MRPS6: variants seen among roughly 807,000 people sequenced by gnomAD.
MRPS6 encodes the protein mitochondrial ribosomal protein S6.
A neutral mutation model predicts 13.1 loss-of-function variants in MRPS6; 6 were observed. The observed-to-expected ratio is 0.46, with a 90% CI of 0.25 to 0.91. MRPS6 has a LOEUF of 0.91. Ranked by LOEUF, MRPS6 falls within the 40% of genes least tolerant of loss-of-function variation. MRPS6 has a pLI of 0.18. For synonymous variants in MRPS6, 61 were observed against 56.5 expected (o/e 1.08, Z -0.36); for missense variants, 164 against 155.6 (o/e 1.05, Z -0.29).
chr21:34,084,283 CT>C (rs902148067), intron 1 of MRPS6, among the ~76,000 whole-genome samples: 1 of 152,100 alleles, frequency 6.6e-6, no homozygotes, highest in African/African-American at 2.4e-5. Flanking sequence ...CAGGAAGGTG[CT>C]TGTGCTTAGG....
intron 1 of MRPS6, among the ~76,000 whole-genome samples, chr21:34,083,918 A>T (rs1602910080): frequency 6.6e-6 from 1 of 152,258 alleles, no homozygotes; most frequent in African/African-American, 2.4e-5. Flanking sequence ...GTCATCTGGC[A>T]TACAAAGAAA....
chr21:34,101,769 T>A, intron 1 of MRPS6: 1 of 995,766 alleles, frequency 1.0e-6, no homozygotes, highest in Middle Eastern at 5.2e-4. Flanking sequence ...TATACTGAAT[T>A]TCTGTTAGCT....
intron 1 of MRPS6, among the ~76,000 whole-genome samples, chr21:34,121,644 A>G (rs1273360307): frequency 1.3e-5 from 2 of 152,160 alleles, no homozygotes; most frequent in African/African-American, 2.4e-5. Flanking sequence ...AGCCTGCACA[A>G]CTTCTCTTAG....
chr21:34,100,690 T>C (rs62212119), intron 1 of MRPS6: 67,805 of 1,000,110 alleles, frequency 0.068, 2,386 homozygotes, highest in Middle Eastern at 0.12. Context: ...TATGCACTTC[T>C]GTAACTTGAG....
At chr21:34,073,815 C>A in intron 1 of MRPS6, 70 bp downstream of exon 1, 2 of 1,234,526 alleles carry the variant, frequency 1.6e-6, no homozygotes, top group East Asian at 4.0e-5. Flanking sequence ...CGCCGTCCCC[C>A]GCGCGCCCTG....
Position 34,142,587 on chromosome 21 carries a change from A to C in MRPS6, c.365A>C (p.Lys122Thr), listed in dbSNP as rs750094417. Residue 122 changes from lysine to threonine, a missense_variant, in exon 3 of 3, where the codon AAG becomes ACG. Lys to Thr is a moderately conservative substitution (Grantham distance 78). Transcript: ENST00000399312. ...PLAEKLYSTK[K>T]RKK ...GCAGAAAAATTATATTCCACAAAGA[A>C]GAGGAAGAAGTGAGAAGATTCGCCA... The C allele has an allele frequency of 6.2e-7, 1 of 1,602,488 alleles. No homozygotes were observed. The highest frequency in any genetic ancestry group is 8.5e-7 in the Non-Finnish European group (1 of 1,176,242).
chr21:34,104,987 GT>G (rs1979411648), intron 1 of MRPS6: 3 of 999,054 alleles, frequency 3.0e-6, no homozygotes, highest in Non-Finnish European at 2.4e-6. Context: ...TATAATTAGA[GT>G]TTTCTAATTT....
chr21:34,092,816 C>G (rs1420386150), intron 1 of MRPS6, among the ~76,000 whole-genome samples: 3 of 152,156 alleles, frequency 2.0e-5, no homozygotes, highest in African/African-American at 7.2e-5. Flanking sequence ...TTTTCTCTCC[C>G]TTCTTTGGAA....
chr21:34,101,899 A>G lies in MRPS6; in HGVS notation c.46-23442A>G, dbSNP rs1451085759. 5 of 1,000,102 alleles carry G rather than the reference A, an allele frequency of 5.0e-6. No individual in the cohort carries two copies. The African/African-American group carries it at 8.7e-5, about 17-fold the overall frequency. 62.0% of individuals were successfully genotyped at this position (1,000,102 alleles called of 1,614,324 possible). On this transcript the variant is annotated intron_variant, in intron 1 of 2. Coordinates refer to ENST00000399312, the MANE Select transcript of MRPS6 (RefSeq NM_032476.4). Reference sequence around the variant, plus strand: ...AGGGAGAGAGCAGTAGTGATCATTTATGTGAGCCCCTTTGAAATGATGGTG... The same window carrying G: ...AGGGAGAGAGCAGTAGTGATCATTTGTGTGAGCCCCTTTGAAATGATGGTG...
At chr21:34,123,608 C>G (rs1042092439) in intron 1 of MRPS6, 4 of 151,914 alleles carry the variant, frequency 2.6e-5, no homozygotes, top group African/African-American at 9.7e-5. Context: ...TAGTAGTTAT[C>G]CAGTAAATCA....
chr21:34,103,985 A>G (rs996552187), intron 1 of MRPS6: 1 of 999,986 alleles, frequency 1.0e-6, no homozygotes, highest in Non-Finnish European at 1.2e-6. Flanking sequence ...TTTTTGTAAA[A>G]AATCTTAAAT....
intron 2 of MRPS6, among the ~76,000 whole-genome samples, chr21:34,137,855 T>C (rs900564165): frequency 1.3e-5 from 2 of 152,160 alleles, no homozygotes; most frequent in Non-Finnish European, 2.9e-5. Flanking sequence ...GAAATGATCA[T>C]ATGGTGTTTC....
chr21:34,124,748 C>A (rs1014674889), intron 1 of MRPS6: 2 of 152,100 alleles, frequency 1.3e-5, no homozygotes, highest in Non-Finnish European at 2.9e-5. Flanking sequence ...ATGCTATTTC[C>A]TGTATTCTGC....
chr21:34,139,002 C>T (rs1980807035), intron 2 of MRPS6, among the ~76,000 whole-genome samples: 1 of 150,946 alleles, frequency 6.6e-6, no homozygotes, highest in African/African-American at 2.5e-5. Flanking sequence ...GAATACTATG[C>T]AGCCATAAAA....
chr21:34,096,518 CAT>C lies in MRPS6; in HGVS notation c.45+22774_45+22775del. 1 of 1,614,170 alleles carries C rather than the reference CAT, an allele frequency of 6.2e-7. No homozygotes were observed. The highest frequency in any genetic ancestry group is 8.5e-7 in the Non-Finnish European group (1 of 1,180,008). On this transcript the variant is annotated intron_variant, in intron 1 of 2. Transcript: ENST00000399312. The surrounding 1 kb of genome is among the most constrained non-coding windows in gnomAD (Gnocchi z 5.9). ...TGCAAGGAGGCCAGATGTACCTTTA[CAT>C]TCAGGAGGTAGCAGATTACCTGACA...
intron 1 of MRPS6, chr21:34,095,152 G>C (rs748078623): frequency 2.7e-6 from 4 of 1,498,392 alleles, no homozygotes; most frequent in Non-Finnish European, 2.6e-6. Flanking sequence ...TAAATAAAAA[G>C]TTGGACACTT....
intron 2 of MRPS6, among the ~76,000 whole-genome samples, chr21:34,140,497 A>AC (rs1980873184): frequency 6.6e-6 from 1 of 152,120 alleles, no homozygotes; most frequent in Non-Finnish European, 1.5e-5. Flanking sequence ...GCCTCGGTAA[A>AC]TGTTCTGTGT....
chr21:34,125,103 ACT>A, intron 1 of MRPS6: 2 of 540,522 alleles, frequency 3.7e-6, no homozygotes, highest in South Asian at 6.2e-5. Context: ...TGGTCCCTGA[ACT>A]CTCCGAAGCC....
At chr21:34,109,094 G>A (rs988438340) in intron 1 of MRPS6, among the ~76,000 whole-genome samples, 2 of 152,126 alleles carry the variant, frequency 1.3e-5, no homozygotes, top group East Asian at 3.9e-4. Context: ...TTTCTGTTGA[G>A]TTTTTCAATT....
Sources: allele counts gnomAD v4.1 joint callset (sites outside exome capture counted in the v4.1 genomes callset), GRCh38; gene constraint gnomAD v4.1.1; non-coding constraint Gnocchi (gnomAD v3.1); transcripts MANE v1.5; gene names NCBI Gene and HGNC (gene_info 2026-07-23, HGNC 2026-07-21).